RIMBP2: variants seen among roughly 807,000 people sequenced by gnomAD.
RIMBP2 encodes the protein RIMS binding protein 2, also known as RIMS-binding protein 2.
Under a neutral mutation model 118.6 loss-of-function variants are expected in RIMBP2, and 48 were observed. The ratio of observed to expected loss-of-function variants is 0.40; its 90% CI spans 0.32 to 0.51. The LOEUF (loss-of-function observed/expected upper bound fraction) is 0.51, where lower values mean the gene tolerates loss of function less well. RIMBP2 is among the 20% of genes least tolerant of loss of function. RIMBP2 has a pLI of 0.41. For synonymous variants in RIMBP2, 762 were observed against 742.9 expected (o/e 1.03, Z -0.42); for missense variants, 1,551 against 1,768.3 (o/e 0.88, Z 2.20).
chr12:130,464,649 G>A (rs1417532029), intron 6 of RIMBP2, among the ~76,000 whole-genome samples: 2 of 152,238 alleles, frequency 1.3e-5, no homozygotes, highest in African/African-American at 2.4e-5. Flanking sequence ...GTAAGTTGGT[G>A]TTAGGCCATT....
In RIMBP2 at chr12:130,466,268, C is replaced by G. The variant is rs1401652927; in HGVS notation, c.153+4425G>C. The G allele has an allele frequency of 2.0e-5, 3 of 152,338 alleles. No individual in the cohort carries two copies. In the East Asian group the frequency reaches 5.8e-4, roughly 29 times the overall value. 9.4% of individuals were successfully genotyped at this position (152,338 alleles called of 1,614,324 possible). ...TCCTAGCAGCTGGAATCTCCCTGCT[C>G]TCAGGTTCTTAGGTTTACAAAAAGA... On this transcript the variant is annotated intron_variant, in intron 6 of 22. Coordinates refer to ENST00000690449, the MANE Select transcript of RIMBP2 (RefSeq NM_001393629.1).
intron 2 of RIMBP2, among the ~76,000 whole-genome samples, chr12:130,610,584 G>A (rs1237174545): frequency 6.4e-5 from 6 of 93,242 alleles, no homozygotes; most frequent in East Asian, 6.5e-4. Flanking sequence ...TTTTTGAGAC[G>A]GAGTCTCGCT....
At chr12:130,690,804 C>T (rs1209439516) in intron 1 of RIMBP2, among the ~76,000 whole-genome samples, 1 of 152,088 alleles carries the variant, frequency 6.6e-6, no homozygotes, top group East Asian at 1.9e-4. Flanking sequence ...AAGCCTGGGA[C>T]TCAAATATCA....
At chr12:130,702,547 AGAAGGAAG>A (rs57904486) in intron 1 of RIMBP2, among the ~76,000 whole-genome samples, 4,353 of 141,932 alleles carry the variant, frequency 0.031, 205 homozygotes, top group African/African-American at 0.097. Context: ...AAAACAAGAA[AGAAGGAAG>A]GAAGGAAGGA....
chr12:130,578,002 G>A lies in RIMBP2; in HGVS notation c.-217+50320C>T, dbSNP rs937345292. On this transcript the variant is annotated intron_variant, in intron 2 of 22. Coordinates refer to ENST00000690449, the MANE Select transcript of RIMBP2 (RefSeq NM_001393629.1). The surrounding 1 kb of genome is among the most constrained non-coding windows in gnomAD (Gnocchi z 4.1). Reference sequence around the variant, plus strand: ...CCTGCCATACATCTTATATAGCTACGGTTTTTACTTGTCAATTATACCTCA... The same window carrying A: ...CCTGCCATACATCTTATATAGCTACAGTTTTTACTTGTCAATTATACCTCA... Among the ~76,000 whole-genome samples the A allele has an allele frequency of 2.0e-5, 3 of 152,068 alleles. No homozygotes were observed. The highest frequency in any genetic ancestry group is 4.4e-5 in the Non-Finnish European group (3 of 68,030).
In RIMBP2 at chr12:130,511,610, G is replaced by C. The variant is rs1049791722; in HGVS notation, c.-126-4840C>G. 1.4e-4 allele frequency among the ~76,000 whole-genome samples: 22 copies of C among 152,180 alleles called. No individual in the cohort carries two copies. Among genetic ancestry groups the C allele is most frequent in the African/African-American group, 5.3e-4 (22 of 41,452 alleles). ...GCCTGCACCTCCTTAAGAATGCTTA[G>C]CAACCCTCAATTGCTTTTGGAGTAT... On this transcript the variant is annotated intron_variant, in intron 3 of 22. Transcript: ENST00000690449. The surrounding 1 kb of genome is among the most constrained non-coding windows in gnomAD (Gnocchi z 4.3).
intron 1 of RIMBP2, chr12:130,667,423 C>A (rs1421869434): frequency 2.0e-5 from 3 of 152,294 alleles, no homozygotes; most frequent in Non-Finnish European, 4.4e-5. Context: ...ATCAAAAAGA[C>A]AGTGATGTTT....
At chr12:130,494,610 G>A (rs2048961474) in intron 4 of RIMBP2, among the ~76,000 whole-genome samples, 1 of 150,418 alleles carries the variant, frequency 6.6e-6, no homozygotes, top group Non-Finnish European at 1.5e-5. Flanking sequence ...CTGCACTCCA[G>A]CCTGGGCAAC....
At chr12:130,570,269 C>A (rs1378014999) in intron 2 of RIMBP2, among the ~76,000 whole-genome samples, 1 of 151,868 alleles carries the variant, frequency 6.6e-6, no homozygotes, top group East Asian at 1.9e-4. Context: ...ATAAAAAACA[C>A]AAAAAAATTA....
At chr12:130,633,505 A>G (rs567800578) in intron 1 of RIMBP2, among the ~76,000 whole-genome samples, 1 of 152,206 alleles carries the variant, frequency 6.6e-6, no homozygotes, top group East Asian at 1.9e-4. Flanking sequence ...GCCCACCGAA[A>G]CTGATCCTCG....
At position 130,552,852 on chromosome 12, in the gene RIMBP2, C is replaced by T. The variant is rs565787428; in HGVS notation, c.-216-34935G>A. Among the ~76,000 whole-genome samples, 4 of 152,220 alleles carry T rather than the reference C, an allele frequency of 2.6e-5. No homozygotes were observed. In the South Asian group the frequency reaches 8.3e-4, roughly 32 times the overall value. ...TTCCATTTTGCAGCAATAGTTATCTCAGAGAAAACAGGACAGGTCGCCGGG... is the reference window on the plus strand; with the variant it reads ...TTCCATTTTGCAGCAATAGTTATCTTAGAGAAAACAGGACAGGTCGCCGGG... On this transcript the variant is annotated intron_variant, in intron 2 of 22. Coordinates refer to ENST00000690449, the MANE Select transcript of RIMBP2 (RefSeq NM_001393629.1).
At chr12:130,508,088 C>A (rs984800432) in intron 3 of RIMBP2, among the ~76,000 whole-genome samples, 2 of 152,096 alleles carry the variant, frequency 1.3e-5, no homozygotes, top group African/African-American at 4.8e-5. Context: ...CCAAATGCCC[C>A]CGGAGAAAAT....
chr12:130,443,443 C>T (rs2078292795), intron 10 of RIMBP2, among the ~76,000 whole-genome samples: 1 of 152,148 alleles, frequency 6.6e-6, no homozygotes, highest in South Asian at 2.1e-4. Flanking sequence ...TCTTCCAGCA[C>T]AGACCCAGAA....
chr12:130,564,543 T>C (rs373305064), intron 2 of RIMBP2, among the ~76,000 whole-genome samples: 6 of 152,292 alleles, frequency 3.9e-5, no homozygotes, highest in African/African-American at 1.4e-4. Context: ...AAATAGGGTA[T>C]ATACATACAA....
intron 2 of RIMBP2, among the ~76,000 whole-genome samples, chr12:130,540,686 T>C (rs977480560): frequency 2.0e-5 from 3 of 152,196 alleles, no homozygotes; most frequent in Non-Finnish European, 4.4e-5. Context: ...AATTTCTTCC[T>C]GTTATGTAAA....
At chr12:130,512,337 T>TTTTC (rs1356956193) in intron 3 of RIMBP2, among the ~76,000 whole-genome samples, 1 of 151,972 alleles carries the variant, frequency 6.6e-6, no homozygotes, top group African/African-American at 2.4e-5. Context: ...TTCTTTTTTT[T>TTTTC]TTCTTGAGAG....
intron 2 of RIMBP2, among the ~76,000 whole-genome samples, chr12:130,600,363 T>C (rs986884407): frequency 2.0e-5 from 3 of 152,132 alleles, no homozygotes; most frequent in African/African-American, 7.2e-5. Context: ...ACCAGAGACC[T>C]GCCAGCCCCA....
At position 130,494,648 on chromosome 12, in the gene RIMBP2, A is replaced by AAG. The variant is rs1390700112; in HGVS notation, c.-4+11999_-4+12000insCT. The stretch of plus-strand genomic sequence containing the variant: ...AGTGAAACCCTGTCTCAAAAAAAAA[A>AAG]AAAGAAAGAAAAGAAAAGAAAGAGC... On this transcript the variant is annotated intron_variant, in intron 4 of 22. Coordinates refer to ENST00000690449, the MANE Select transcript of RIMBP2 (RefSeq NM_001393629.1). 4.8e-5 allele frequency among the ~76,000 whole-genome samples: 6 copies of AAG among 125,746 alleles called. No homozygotes were observed. The East Asian group carries it at 2.3e-3, about 48-fold the overall frequency. The allele number at this position is 125,746 out of a possible 152,430, so 82.5% of individuals were successfully genotyped here.
At chr12:130,401,641 C>T (rs1279960715) in intron 21 of RIMBP2, among the ~76,000 whole-genome samples, 2 of 152,022 alleles carry the variant, frequency 1.3e-5, no homozygotes, top group Middle Eastern at 3.4e-3. Flanking sequence ...TCTCTGTTGA[C>T]ATTACAGACT....
Sources: gnomAD v4.1 joint callset for allele counts (sites outside exome capture counted in the v4.1 genomes callset) on GRCh38, gnomAD v4.1.1 for gene constraint, Gnocchi (gnomAD v3.1) non-coding constraint, MANE v1.5 for transcripts, NCBI Gene and HGNC (gene_info 2026-07-23, HGNC 2026-07-21) for gene names.